RNF145: variants seen among roughly 807,000 people sequenced by gnomAD.
RNF145 encodes the protein ring finger protein 145.
In RNF145, 12 loss-of-function variants were observed where a neutral mutation model predicts 57.3. The observed-to-expected ratio is 0.21, with a 90% CI of 0.13 to 0.34. The LOEUF (loss-of-function observed/expected upper bound fraction) is 0.34, where lower values mean the gene tolerates loss of function less well. RNF145 is among the 10% of genes least tolerant of loss of function. The pLI is 1.00. For missense variants in RNF145, 429 were observed against 799.0 expected (o/e 0.54, Z 5.58); for synonymous variants, 262 against 288.3 (o/e 0.91, Z 0.92).
chr5:159,170,128 T>C (rs1225171542), intron 6 of RNF145, among the ~76,000 whole-genome samples: 1 of 152,240 alleles, frequency 6.6e-6, no homozygotes, highest in Non-Finnish European at 1.5e-5. Context: ...ATAATTAGCA[T>C]GCTGACAAGT....
chr5:159,200,121 T>C (rs1164499363), intron 2 of RNF145, among the ~76,000 whole-genome samples: 1 of 151,894 alleles, frequency 6.6e-6, no homozygotes, highest in Non-Finnish European at 1.5e-5. Context: ...CAAGAACCCA[T>C]CCTCCCCACC....
intron 3 of RNF145, among the ~76,000 whole-genome samples, chr5:159,185,707 G>C (rs1562064014): frequency 6.6e-6 from 1 of 152,290 alleles, no homozygotes; most frequent in East Asian, 1.9e-4. Flanking sequence ...TTTCATTTCA[G>C]AAGACTTAAA....
rs925074553 is a variant in RNF145, at chr5:159,157,899, A to G, written c.*771T>C. ...TCTCCTTCACTAAAGCAGACTCCAA[A>G]GTGTTCATCAGAGTTTTAGTTTACT... On this transcript the variant is annotated 3_prime_UTR_variant, in exon 11 of 11. Coordinates refer to ENST00000424310, the MANE Select transcript of RNF145 (RefSeq NM_001199383.2). The G allele has an allele frequency of 6.5e-6, 1 of 152,792 alleles. No homozygotes were observed. Among genetic ancestry groups the G allele is most frequent in the Non-Finnish European group, 1.5e-5 (1 of 68,050 alleles). The allele number at this position is 152,792 out of a possible 1,614,324, so 9.5% of individuals were successfully genotyped here.
chr5:159,191,678 G>C (rs574921727), intron 3 of RNF145, among the ~76,000 whole-genome samples: 61 of 152,226 alleles, frequency 4.0e-4, no homozygotes, highest in African/African-American at 1.3e-3. Flanking sequence ...TGTAGTCCCA[G>C]CTACTCAGGA....
At chr5:159,173,874 GA>G in intron 6 of RNF145, 108 bp downstream of exon 6, 1 of 740,198 alleles carries the variant, frequency 1.4e-6, no homozygotes, top group Non-Finnish European at 2.1e-6. Flanking sequence ...AACAAAATAC[GA>G]AGTTGTGTAA....
intron 3 of RNF145, among the ~76,000 whole-genome samples, chr5:159,184,184 G>A (rs1285799869): frequency 6.6e-6 from 1 of 152,152 alleles, no homozygotes; most frequent in East Asian, 1.9e-4. Flanking sequence ...TTATAATAAA[G>A]CTCAGCAAAC....
chr5:159,170,562 GAT>G (rs1784517555), intron 6 of RNF145, among the ~76,000 whole-genome samples: 1 of 152,078 alleles, frequency 6.6e-6, no homozygotes, highest in African/African-American at 2.4e-5. Flanking sequence ...TATGTACTGA[GAT>G]AGATTTAGCA....
At chr5:159,192,988 G>A (rs535488464) in intron 3 of RNF145, among the ~76,000 whole-genome samples, 1 of 152,352 alleles carries the variant, frequency 6.6e-6, no homozygotes, top group East Asian at 1.9e-4. Context: ...CTGAGACTCA[G>A]AGGTATCGGG....
At chr5:159,208,950 G>C (rs1169415815) in intron 1 of RNF145, among the ~76,000 whole-genome samples, 2 of 151,750 alleles carry the variant, frequency 1.3e-5, no homozygotes, top group African/African-American at 2.4e-5. Context: ...AGCTGGAACA[G>C]AGGGGGCTTT....
intron 1 of RNF145, chr5:159,208,269 C>CT (rs1491198725): frequency 1.5e-6 from 1 of 649,860 alleles, no homozygotes; most frequent in Non-Finnish European, 2.2e-6. Flanking sequence ...TCAGCAAAAA[C>CT]TCTTCCAGGA....
intron 3 of RNF145, among the ~76,000 whole-genome samples, chr5:159,192,428 T>A (rs1328880865): frequency 3.3e-5 from 5 of 152,188 alleles, no homozygotes; most frequent in African/African-American, 1.2e-4. Flanking sequence ...ATTGTAGCTA[T>A]AATAAAAGCA....
At chr5:159,192,267 G>C (rs934133319) in intron 3 of RNF145, among the ~76,000 whole-genome samples, 1 of 152,086 alleles carries the variant, frequency 6.6e-6, no homozygotes, top group African/African-American at 2.4e-5. Context: ...GTATCCTCAG[G>C]AGGTCCTAGA....
At chr5:159,206,495 A>G (rs1785885835) in intron 1 of RNF145, among the ~76,000 whole-genome samples, 1 of 152,144 alleles carries the variant, frequency 6.6e-6, no homozygotes, top group African/African-American at 2.4e-5. Context: ...TCAAAACAAA[A>G]CTTTAAAATA....
chr5:159,169,189 C>T, intron 7 of RNF145, 134 bp from the exon 8 acceptor site: 1 of 646,766 alleles, frequency 1.5e-6, no homozygotes, highest in Non-Finnish European at 2.5e-6. Context: ...AGACTAAAAA[C>T]CTGATCAGTA....
chr5:159,159,169 A>G, intron 10 of RNF145, 134 bp from the exon 11 acceptor site: 1 of 757,264 alleles, frequency 1.3e-6, no homozygotes, highest in Non-Finnish European at 2.1e-6. Context: ...AATAAAACTT[A>G]CTTTATATAT....
At chr5:159,193,540 T>C (rs1785355993) in intron 3 of RNF145, among the ~76,000 whole-genome samples, 1 of 152,172 alleles carries the variant, frequency 6.6e-6, no homozygotes, top group Non-Finnish European at 1.5e-5. Flanking sequence ...TTCTCATCCT[T>C]TCATATCCAC....
intron 5 of RNF145, among the ~76,000 whole-genome samples, chr5:159,175,986 T>A (rs1274971853): frequency 6.6e-6 from 1 of 152,120 alleles, no homozygotes. Flanking sequence ...TATCTGGGAG[T>A]AATTTATCTT....
At chr5:159,187,029 C>T (rs1433932519) in intron 3 of RNF145, among the ~76,000 whole-genome samples, 1 of 150,314 alleles carries the variant, frequency 6.7e-6, no homozygotes, top group East Asian at 2.0e-4. Context: ...GCCTGTAATC[C>T]CAGCACTTTG....
intron 4 of RNF145, among the ~76,000 whole-genome samples, chr5:159,178,125 T>G (rs535187603): frequency 1.3e-5 from 2 of 152,122 alleles, no homozygotes; most frequent in Non-Finnish European, 1.5e-5. Flanking sequence ...CCATGGCTTA[T>G]TACATGGCTA....
Sources: allele counts gnomAD v4.1 joint callset (sites outside exome capture counted in the v4.1 genomes callset), GRCh38; gene constraint gnomAD v4.1.1; transcripts MANE v1.5; gene names NCBI Gene and HGNC (gene_info 2026-07-23, HGNC 2026-07-21).